ADAMTS12: variants seen among roughly 807,000 people sequenced by gnomAD.
ADAMTS12 encodes ADAM metallopeptidase with thrombospondin type 1 motif 12.
In ADAMTS12, 118 loss-of-function variants were observed where a neutral mutation model predicts 167.8. The ratio of observed to expected loss-of-function variants is 0.70; its 90% CI spans 0.61 to 0.82. The LOEUF is 0.82. Ranked by LOEUF, ADAMTS12 falls within the 40% of genes least tolerant of loss-of-function variation. The probability of loss-of-function intolerance (pLI) is 0.00; values close to 1 mark genes in which losing one functional copy is unlikely to be tolerated. For missense variants in ADAMTS12, 1,916 were observed against 1,998.8 expected (o/e 0.96, Z 0.79); for synonymous variants, 704 against 716.9 (o/e 0.98, Z 0.29).
intron 2 of ADAMTS12, among the ~76,000 whole-genome samples, chr5:33,864,273 C>T (rs1433869100): frequency 2.6e-5 from 4 of 152,146 alleles, no homozygotes; most frequent in Non-Finnish European, 4.4e-5. Context: ...AAATGCAAAT[C>T]GAAACCACAA....
chr5:33,719,952 G>A (rs1010773017), intron 3 of ADAMTS12, among the ~76,000 whole-genome samples: 7 of 152,200 alleles, frequency 4.6e-5, no homozygotes, highest in Non-Finnish European at 8.8e-5. Context: ...AAGCACTCAT[G>A]TGTATCTGCT....
At chr5:33,659,596 A>ATTT (rs1741183330) in intron 6 of ADAMTS12, among the ~76,000 whole-genome samples, 1 of 152,190 alleles carries the variant, frequency 6.6e-6, no homozygotes, top group Non-Finnish European at 1.5e-5. Context: ...CACTAAAGAA[A>ATTT]AAAGTGGCTA....
Position 33,641,801 on chromosome 5 carries a change from T to A in ADAMTS12, c.1718+9A>T. 1 of 1,598,700 alleles carries A rather than the reference T, an allele frequency of 6.3e-7. No homozygotes were observed. The highest frequency in any genetic ancestry group is 1.7e-5 in the Admixed American group (1 of 59,274). ...TGGAGAGAAGGGAAATATATTTATCTGGACTCACTCGGGGTTGTTGCAGAG... is the reference window on the plus strand; with the variant it reads ...TGGAGAGAAGGGAAATATATTTATCAGGACTCACTCGGGGTTGTTGCAGAG... On this transcript the variant is annotated intron_variant, in intron 11 of 23. Coordinates refer to ENST00000504830, the MANE Select transcript of ADAMTS12 (RefSeq NM_030955.4).
At chr5:33,590,876 A>C (rs1747597946) in intron 17 of ADAMTS12, among the ~76,000 whole-genome samples, 1 of 150,916 alleles carries the variant, frequency 6.6e-6, no homozygotes, top group Non-Finnish European at 1.5e-5. Flanking sequence ...ACAAGATTAA[A>C]GTGAAAACCA....
At position 33,543,855 on chromosome 5, in the gene ADAMTS12, C is replaced by T. The variant is rs541645127; in HGVS notation, c.4446+2204G>A. On this transcript the variant is annotated intron_variant, in intron 22 of 23. Transcript: ENST00000504830. ...CTCAATAAACTAGGTACTGATGGAA[C>T]GTATCTCAAAATAATAAGAGCTATT... Among the ~76,000 whole-genome samples the T allele has an allele frequency of 1.0e-3, 158 of 152,184 alleles. 1 individual carries two copies. The highest frequency in any genetic ancestry group is 1.8e-3 in the Non-Finnish European group (122 of 68,010).
chr5:33,658,386 C>A, intron 6 of ADAMTS12, 53 bp from the exon 7 acceptor site: 10 of 1,591,394 alleles, frequency 6.3e-6, no homozygotes, highest in South Asian at 4.5e-5. Context: ...TCTGGAAAAA[C>A]CTCCTGGAAA....
rs78154652 is a variant in ADAMTS12, at chr5:33,577,329, A to G, written c.2866-169T>C. ...CTTTCAGTTTTCCATGGAAATATGT[A>G]TCTCCTGGAGACCAGCTGGGACTCA... On this transcript the variant is annotated intron_variant, in intron 18 of 23. Coordinates refer to ENST00000504830, the MANE Select transcript of ADAMTS12 (RefSeq NM_030955.4). 6.7e-3 allele frequency among the ~76,000 whole-genome samples: 1,021 copies of G among 152,332 alleles called. 12 individuals carry two copies. Among genetic ancestry groups the G allele is most frequent in the African/African-American group, 0.023 (975 of 41,574 alleles).
chr5:33,705,445 T>A (rs1743161610), intron 3 of ADAMTS12, among the ~76,000 whole-genome samples: 1 of 152,140 alleles, frequency 6.6e-6, no homozygotes, highest in South Asian at 2.1e-4. Flanking sequence ...ATCAGATGAA[T>A]AGTTTTCCCA....
At chr5:33,776,533 T>C (rs974926927) in intron 2 of ADAMTS12, among the ~76,000 whole-genome samples, 2 of 151,972 alleles carry the variant, frequency 1.3e-5, no homozygotes, top group Non-Finnish European at 2.9e-5. Flanking sequence ...CAAATGAAAA[T>C]AGAAACAGCA....
At chr5:33,755,915 C>A (rs914300721) in intron 2 of ADAMTS12, among the ~76,000 whole-genome samples, 1 of 151,996 alleles carries the variant, frequency 6.6e-6, no homozygotes, top group African/African-American at 2.4e-5. Flanking sequence ...CCCAAGGTAC[C>A]CAATAGTATA....
intron 19 of ADAMTS12, 21 bp from the exon 20 acceptor site, chr5:33,561,200 G>T: frequency 6.2e-7 from 1 of 1,609,296 alleles, no homozygotes; most frequent in Non-Finnish European, 8.5e-7. Context: ...GAAGGAGAGA[G>T]ATGACAGAGG....
chr5:33,580,204 A>T (rs1746992015), intron 18 of ADAMTS12, among the ~76,000 whole-genome samples: 1 of 152,186 alleles, frequency 6.6e-6, no homozygotes, highest in Admixed American at 6.5e-5. Flanking sequence ...GCTGCTATAA[A>T]GAAATACCAG....
At chr5:33,598,280 A>G (rs1738012171) in intron 16 of ADAMTS12, among the ~76,000 whole-genome samples, 1 of 152,216 alleles carries the variant, frequency 6.6e-6, no homozygotes, top group South Asian at 2.1e-4. Flanking sequence ...GCCCCAACCC[A>G]GTAGGTCGAC....
chr5:33,642,048 C>A lies in ADAMTS12; in HGVS notation c.1573-93G>T, dbSNP rs77080882. 1,742 of 1,325,826 alleles carry A rather than the reference C, an allele frequency of 1.3e-3. 18 individuals carry two copies. In the African/African-American group the frequency reaches 0.023, roughly 17 times the overall value. The allele number at this position is 1,325,826 out of a possible 1,614,324, so 82.1% of individuals were successfully genotyped here. On this transcript the variant is annotated intron_variant, in intron 10 of 23. Coordinates refer to ENST00000504830, the MANE Select transcript of ADAMTS12 (RefSeq NM_030955.4). Reference sequence around the variant, plus strand: ...CTAAAAGTCTAAACCCAATTCTCTGCAAGCAAGCCGGCTTTCTACAGTCAC... The same window carrying A: ...CTAAAAGTCTAAACCCAATTCTCTGAAAGCAAGCCGGCTTTCTACAGTCAC...
At chr5:33,752,706 A>AT (rs1745031378) in intron 2 of ADAMTS12, among the ~76,000 whole-genome samples, 1 of 152,204 alleles carries the variant, frequency 6.6e-6, no homozygotes, top group Admixed American at 6.5e-5. Context: ...ACTTGGAAAC[A>AT]TGGGGGGCTT....
At chr5:33,558,791 G>C (rs748285309) in intron 20 of ADAMTS12, among the ~76,000 whole-genome samples, 3 of 152,216 alleles carry the variant, frequency 2.0e-5, no homozygotes, top group Non-Finnish European at 4.4e-5. Context: ...AGGGATATGA[G>C]ATGTTTCTTG....
intron 15 of ADAMTS12, 46 bp downstream of exon 15, chr5:33,615,782 T>G: frequency 6.2e-7 from 1 of 1,607,712 alleles, no homozygotes; most frequent in Non-Finnish European, 8.5e-7. Context: ...AGGAGAAGTA[T>G]TCTAACTAGC....
At chr5:33,834,255 T>C (rs1477296787) in intron 2 of ADAMTS12, among the ~76,000 whole-genome samples, 1 of 152,132 alleles carries the variant, frequency 6.6e-6, no homozygotes, top group East Asian at 1.9e-4. Context: ...GACTTCAACA[T>C]GAATTTTTGG....
intron 3 of ADAMTS12, among the ~76,000 whole-genome samples, chr5:33,703,853 A>T (rs531317777): frequency 6.6e-6 from 1 of 152,310 alleles, no homozygotes; most frequent in Admixed American, 6.5e-5. Flanking sequence ...GCTAAATTCC[A>T]TGCCATTGAG....
Sources: gnomAD v4.1 joint callset for allele counts (sites outside exome capture counted in the v4.1 genomes callset) on GRCh38, gnomAD v4.1.1 for gene constraint, MANE v1.5 for transcripts, NCBI Gene and HGNC (gene_info 2026-07-23, HGNC 2026-07-21) for gene names.